Variants in POLI observed in about 807,000 individuals in gnomAD.
POLI encodes DNA polymerase iota.
In POLI, 58 loss-of-function variants were observed where a neutral mutation model predicts 51.6. That is an observed-to-expected ratio of 1.12 (90% CI 0.91 to 1.40). POLI has a LOEUF of 1.40. Ranked by LOEUF, POLI falls within the 40% of genes most tolerant of loss-of-function variation. POLI has a pLI of 0.00. For missense variants in POLI, 921 were observed against 871.3 expected (o/e 1.06, Z -0.72); for synonymous variants, 322 against 299.7 (o/e 1.07, Z -0.77).
Position 54,294,242 on chromosome 18 carries a change from AC to A in POLI, c.1999del (p.Leu667PhefsTer15), listed in dbSNP as rs1568145609. 6.2e-7 allele frequency: 1 copy of A among 1,613,616 alleles called. No homozygotes were observed. On this transcript the variant is annotated frameshift_variant, in exon 10 of 10. Coordinates refer to ENST00000579534, the MANE Select transcript of POLI (RefSeq NM_007195.3). LOFTEE classifies it high-confidence loss of function. ...HSFPNLQSEQ[L>X]FSRNHTTDSH... ...CATTTCCAAACTTGCAGAGTGAGCA[AC>A]TTTTCTCCAGAAACCACACTACAGA...
Position 54,297,327 on chromosome 18 carries a change from G to C in POLI, c.*2860G>C, listed in dbSNP as rs2088380771. On this transcript the variant is annotated 3_prime_UTR_variant, in exon 10 of 10. Transcript: ENST00000579534. Reference sequence around the variant, plus strand: ...TTCCTGTTTCTGTCTTGAATGTAGAGGGTATTTTTATTTTTATTTTTTCTG... The same window carrying C: ...TTCCTGTTTCTGTCTTGAATGTAGACGGTATTTTTATTTTTATTTTTTCTG... The C allele has an allele frequency of 2.0e-6, 2 of 979,194 alleles. No individual in the cohort carries two copies. Among genetic ancestry groups the C allele is most frequent in the South Asian group, 9.5e-5 (2 of 21,126 alleles). The allele number at this position is 979,194 out of a possible 1,614,324, so 60.7% of individuals were successfully genotyped here.
At chr18:54,271,767 G>C (rs572908620) in intron 2 of POLI, among the ~76,000 whole-genome samples, 3 of 152,204 alleles carry the variant, frequency 2.0e-5, no homozygotes, top group Non-Finnish European at 2.9e-5. Context: ...TTGCTGGTCA[G>C]ATTTCTTTTT....
downstream of POLI, among the ~76,000 whole-genome samples, chr18:54,301,104 C>T (rs2144629149): frequency 6.6e-6 from 1 of 152,110 alleles, no homozygotes; most frequent in South Asian, 2.1e-4. Flanking sequence ...ATACTGAAAC[C>T]CCGTCTCTAC....
In POLI at chr18:54,287,385, C is replaced by T. The variant is rs749731969; in HGVS notation, c.1172C>T (p.Ser391Leu). 6.2e-7 allele frequency: 1 copy of T among 1,607,470 alleles called. No individual in the cohort carries two copies. Among genetic ancestry groups the T allele is most frequent in the South Asian group, 1.1e-5 (1 of 89,944 alleles). Residue 391 changes from serine to leucine, a missense_variant, in exon 8 of 10, where the codon TCA becomes TTA. Coordinates refer to ENST00000579534, the MANE Select transcript of POLI (RefSeq NM_007195.3). ...GRESRQCPIP[S>L]HVIQKLGTGN... ...GAGAGTCGTCAGTGCCCTATTCCTT[C>T]ACATGTAATTCAGAAATTAGGGACA...
At chr18:54,269,890 C>G (rs1001770143) in intron 1 of POLI, 2 of 1,259,780 alleles carry the variant, frequency 1.6e-6, no homozygotes, top group Middle Eastern at 3.0e-4. Flanking sequence ...AAATACGTGT[C>G]GAGGGTTTAT....
rs2088032722 is a variant in POLI at position 54,291,891 on chromosome 18, G to A, written c.1257G>A (p.Met419Ile). ...TACTTATGAAACTTTTTCGAAATATGGTGAATGTGAAGATGCCATTTCACC... is the reference window on the plus strand; with the variant it reads ...TACTTATGAAACTTTTTCGAAATATAGTGAATGTGAAGATGCCATTTCACC... ...VDILMKLFRN[M>I]VNVKMPFHLT... The change falls in exon 9 of 10, where the codon ATG becomes ATA. Residue 419 changes from methionine to isoleucine, a missense_variant. Met to Ile is a conservative substitution (Grantham distance 10, BLOSUM62 1). Coordinates refer to ENST00000579534, the MANE Select transcript of POLI (RefSeq NM_007195.3). The A allele has an allele frequency of 4.4e-6, 7 of 1,609,046 alleles. No homozygotes were observed. Among genetic ancestry groups the A allele is most frequent in the Middle Eastern group, 3.4e-4 (2 of 5,842 alleles).
At chr18:54,270,246 G>C (rs1350132996) in intron 1 of POLI, 2 of 160,038 alleles carry the variant, frequency 1.2e-5, no homozygotes, top group Non-Finnish European at 2.7e-5. Flanking sequence ...CTGCAGCCTC[G>C]AACCCCTGGG....
At chr18:54,317,163 C>T (rs548006611) in intron 3 of POLI, among the ~76,000 whole-genome samples, 1 of 152,248 alleles carries the variant, frequency 6.6e-6, no homozygotes, top group South Asian at 2.1e-4. Flanking sequence ...TCCCTTGCTC[C>T]CTTGCCTTCT....
intron 8 of POLI, among the ~76,000 whole-genome samples, chr18:54,290,684 A>G (rs925097932): frequency 1.3e-5 from 2 of 152,296 alleles, no homozygotes; most frequent in East Asian, 1.9e-4. Context: ...TTGCAAGGAC[A>G]TGGATGAAGC....
intron 3 of POLI, chr18:54,311,131 G>A: frequency 1.0e-6 from 1 of 980,850 alleles, no homozygotes; most frequent in Non-Finnish European, 1.2e-6. Context: ...CTGCCACCCT[G>A]CCACTTCTTC....
chr18:54,294,394 C>T lies in POLI; in HGVS notation c.2150C>T (p.Pro717Leu), dbSNP rs374372131. The T allele has an allele frequency of 2.5e-6, 4 of 1,613,256 alleles. No individual in the cohort carries two copies. The highest frequency in any genetic ancestry group is 2.7e-5 in the African/African-American group (2 of 74,892). ...GATCCTCAAGTTTTCTATGAACTAC[C>T]AGAAGCAGTACAAAAGGAACTGCTG... ...DIDPQVFYELPEAVQKELLAE... is the reference protein window; with the variant it reads ...DIDPQVFYELLEAVQKELLAE... Residue 717 changes from proline (P) to leucine (L), a missense_variant, in exon 10 of 10, where the codon CCA becomes CTA. By Grantham distance (98) the Pro-to-Leu change is moderately conservative (BLOSUM62 -3). Coordinates refer to ENST00000579534, the MANE Select transcript of POLI (RefSeq NM_007195.3).
chr18:54,302,233 T>C (rs2088505150), downstream of POLI, among the ~76,000 whole-genome samples: 1 of 152,196 alleles, frequency 6.6e-6, no homozygotes, highest in African/African-American at 2.4e-5. Context: ...GGCTGTGTTA[T>C]AGGAACAATG....
At chr18:54,286,252 A>G (rs1205919307) in intron 7 of POLI, among the ~76,000 whole-genome samples, 1 of 152,144 alleles carries the variant, frequency 6.6e-6, no homozygotes, top group East Asian at 1.9e-4. Flanking sequence ...ATTTGGTTTT[A>G]TATGCATTGC....
intron 2 of POLI, 98 bp from the exon 3 acceptor site, chr18:54,273,828 A>G: frequency 1.6e-6 from 1 of 631,628 alleles, no homozygotes; most frequent in South Asian, 4.3e-5. Flanking sequence ...ATCAAAACTG[A>G]TTGTCTTACA....
At position 54,296,483 on chromosome 18, in the gene POLI, C is replaced by T. The variant is rs964163031; in HGVS notation, c.*2016C>T. On this transcript the variant is annotated 3_prime_UTR_variant, in exon 10 of 10. Transcript: ENST00000579534. ...AGGTTTACTGTATTATTTGGAAGTG[C>T]GAATTTATTTTTATTCTTAGTATAT... is the stretch of plus-strand genomic sequence containing the variant. The T allele has an allele frequency of 1.6e-5, 8 of 505,378 alleles. No individual in the cohort carries two copies. The highest frequency in any genetic ancestry group is 8.5e-5 in the South Asian group (1 of 11,800). 31.3% of individuals were successfully genotyped at this position (505,378 alleles called of 1,614,324 possible).
At chr18:54,276,233 G>T (rs2087234467) in intron 3 of POLI, among the ~76,000 whole-genome samples, 1 of 151,898 alleles carries the variant, frequency 6.6e-6, no homozygotes, top group Admixed American at 6.6e-5. Context: ...AAAGTTAGCT[G>T]GTAGCATGTG....
intron 7 of POLI, among the ~76,000 whole-genome samples, chr18:54,286,206 T>C (rs1370554473): frequency 6.6e-6 from 1 of 152,180 alleles, no homozygotes; most frequent in Non-Finnish European, 1.5e-5. Flanking sequence ...GTTGAGTGTG[T>C]TTAACAATGT....
In POLI at chr18:54,297,107, T is replaced by G. The variant is rs1378626057; in HGVS notation, c.*2640T>G. 1 of 985,394 alleles carries G rather than the reference T, an allele frequency of 1.0e-6. No homozygotes were observed. Among genetic ancestry groups the G allele is most frequent in the Non-Finnish European group, 1.2e-6 (1 of 829,902 alleles). The allele number at this position is 985,394 out of a possible 1,614,324, so 61.0% of individuals were successfully genotyped here. A position where few individuals can be genotyped will look rare whatever the true frequency, so the allele number is the denominator to read the frequency against. ...GTGGATCCTGATTGAATGCCTTGTC[T>G]TAAGTGTAAGCTCCCTGACCCTTAC... On this transcript the variant is annotated 3_prime_UTR_variant, in exon 10 of 10. Coordinates refer to ENST00000579534, the MANE Select transcript of POLI (RefSeq NM_007195.3).
intron 8 of POLI, among the ~76,000 whole-genome samples, chr18:54,289,387 A>G (rs1220029388): frequency 6.6e-6 from 1 of 151,506 alleles, no homozygotes; most frequent in Non-Finnish European, 1.5e-5. Flanking sequence ...AATTTAGGCC[A>G]TTTTCCCATA....
Sources: gnomAD v4.1 joint callset for allele counts (sites outside exome capture counted in the v4.1 genomes callset) on GRCh38, gnomAD v4.1.1 for gene constraint, MANE v1.5 for transcripts, NCBI Gene and HGNC (gene_info 2026-07-23, HGNC 2026-07-21) for gene names.